The following AASDH variants were observed in gnomAD, a reference collection of about 807,000 sequenced individuals.
The protein encoded by AASDH is beta-alanine-activating enzyme.
Under a neutral mutation model 102.3 loss-of-function variants are expected in AASDH, and 81 were observed. The ratio of observed to expected loss-of-function variants is 0.79; its 90% confidence interval spans 0.66 to 0.95. The LOEUF (loss-of-function observed/expected upper bound fraction) is 0.95. Among genes scored for constraint, AASDH ranks in the 40% least tolerant of loss-of-function variants. The pLI is 0.00. For missense variants in AASDH, 1,203 were observed against 1,266.2 expected (o/e 0.95, Z 0.76); for synonymous variants, 398 against 454.0 (o/e 0.88, Z 1.57).
intron 1 of AASDH, among the ~76,000 whole-genome samples, chr4:56,384,835 AG>A (rs1753369231): frequency 6.6e-6 from 1 of 152,204 alleles, no homozygotes; most frequent in African/African-American, 2.4e-5. Flanking sequence ...GCACTTCGGG[AG>A]GCCGAGGTGG....
At chr4:56,376,641 T>C (rs1752368473) in intron 4 of AASDH, among the ~76,000 whole-genome samples, 1 of 152,224 alleles carries the variant, frequency 6.6e-6, no homozygotes, top group South Asian at 2.1e-4. Flanking sequence ...TTGAGATGTG[T>C]AAGTATAAAA....
chr4:56,371,706 A>G, intron 4 of AASDH, 63 bp from the exon 5 acceptor site: 1 of 1,435,714 alleles, frequency 7.0e-7, no homozygotes. Context: ...ATATCCTAAA[A>G]GAGTGTTCAT....
At chr4:56,351,065 T>TA (rs1402563838) in intron 10 of AASDH, among the ~76,000 whole-genome samples, 1 of 152,218 alleles carries the variant, frequency 6.6e-6, no homozygotes, top group Admixed American at 6.5e-5. Flanking sequence ...CCGATCCTCT[T>TA]AGAGAAAAGT....
At chr4:56,339,995 C>G (rs1005655423) in intron 14 of AASDH, among the ~76,000 whole-genome samples, 1 of 151,852 alleles carries the variant, frequency 6.6e-6, no homozygotes, top group African/African-American at 2.4e-5. Context: ...ATGGTGAAAC[C>G]CCATCTCTAC....
At chr4:56,356,402 A>C (rs1749646362) in intron 5 of AASDH, 1 of 1,594,112 alleles carries the variant, frequency 6.3e-7, no homozygotes, top group Non-Finnish European at 8.5e-7. Context: ...TGGACCGCCA[A>C]ACAGCTACTC....
intron 12 of AASDH, among the ~76,000 whole-genome samples, chr4:56,344,164 A>T (rs189917490): frequency 5.8e-4 from 88 of 152,304 alleles, no homozygotes; most frequent in Middle Eastern, 6.8e-3. Context: ...CTTAATGCAT[A>T]TATTTGACTA....
intron 9 of AASDH, 121 bp from the exon 10 acceptor site, chr4:56,351,578 T>C: frequency 1.7e-6 from 1 of 595,064 alleles, no homozygotes. Context: ...TATAAAGAGT[T>C]TGTTGTCAAC....
chr4:56,384,436 ATAAT>A, intron 1 of AASDH, 95 bp from the exon 2 acceptor site: 1 of 608,790 alleles, frequency 1.6e-6, no homozygotes. Context: ...TCTCACAAAA[ATAAT>A]TATATCAAAG....
Position 56,364,053 on chromosome 4 carries a change from G to A in AASDH, c.861+7398C>T, listed in dbSNP as rs550489965. On this transcript the variant is annotated intron_variant, in intron 5 of 14. Coordinates refer to ENST00000205214, the MANE Select transcript of AASDH (RefSeq NM_181806.4). ...GGATCTGAGCTGAAAACCATGGCAC[G>A]AGAACTACATGATGAATGCACAAGC... Among the ~76,000 whole-genome samples the A allele has an allele frequency of 1.1e-3, 165 of 152,304 alleles. 1 individual carries two copies. The highest frequency in any genetic ancestry group is 3.7e-3 in the African/African-American group (154 of 41,558).
chr4:56,349,508 A>T lies in AASDH; in HGVS notation c.2243T>A (p.Ile748Lys), dbSNP rs1258100495. The change falls in exon 11 of 15, where the codon ATA becomes AAA. Residue 748 changes from isoleucine (I) to lysine (K), a missense_variant. Ile to Lys is a moderately radical substitution (Grantham distance 102). Coordinates refer to ENST00000205214, the MANE Select transcript of AASDH (RefSeq NM_181806.4). ...ATGTAACTCCATTTTCTGAGTCCCT[A>T]TCGCAGGTTTCCCCTCTTCAGAAAC... ...AKVSEEGKPA[I>K]GTQKMELHVR... The T allele has an allele frequency of 6.2e-7, 1 of 1,614,180 alleles. No individual in the cohort carries two copies. Among genetic ancestry groups the T allele is most frequent in the African/African-American group, 1.3e-5 (1 of 75,048 alleles).
chr4:56,354,126 C>T lies in AASDH; in HGVS notation c.1296G>A (p.Val432=), dbSNP rs774669010. The change falls in exon 8 of 15, where the codon GTG becomes GTA. Residue 432 remains valine (V), a synonymous_variant. Coordinates refer to ENST00000205214, the MANE Select transcript of AASDH (RefSeq NM_181806.4). ...TMRATGDFVT[V]KDGEIFFLGR... is the part of the protein sequence containing the mutation. ...CCAAAAAAAAAATCTCTCCATCTTT[C>T]ACAGTCACAAAGTCTCCTGTAGCTC... 1 of 1,613,474 alleles carries T rather than the reference C, an allele frequency of 6.2e-7. No homozygotes were observed. Among genetic ancestry groups the T allele is most frequent in the Non-Finnish European group, 8.5e-7 (1 of 1,179,604 alleles).
At chr4:56,378,545 A>G in intron 3 of AASDH, 81 bp from the exon 4 acceptor site, 1 of 1,204,108 alleles carries the variant, frequency 8.3e-7, no homozygotes, top group Non-Finnish European at 1.1e-6. Flanking sequence ...TATGAAATAC[A>G]GTCATCCCTC....
chr4:56,338,988 T>C (rs1747279075), intron 14 of AASDH, among the ~76,000 whole-genome samples, 197 bp from the exon 15 acceptor site: 1 of 152,100 alleles, frequency 6.6e-6, no homozygotes, highest in Non-Finnish European at 1.5e-5. Context: ...ATGTAAAATC[T>C]AAGACAAAAT....
intron 14 of AASDH, among the ~76,000 whole-genome samples, chr4:56,339,687 G>A (rs1476763943): frequency 6.7e-6 from 1 of 149,418 alleles, no homozygotes; most frequent in Non-Finnish European, 1.5e-5. Context: ...GGAGGCAGAG[G>A]TTGCAGTGAG....
intron 3 of AASDH, among the ~76,000 whole-genome samples, chr4:56,379,265 C>T (rs954344628): frequency 2.0e-5 from 3 of 152,164 alleles, no homozygotes; most frequent in African/African-American, 7.2e-5. Flanking sequence ...TCTTGAGTAG[C>T]TGGAACTACA....
intron 10 of AASDH, among the ~76,000 whole-genome samples, chr4:56,350,944 G>C (rs1748926448): frequency 6.6e-6 from 1 of 152,180 alleles, no homozygotes; most frequent in African/African-American, 2.4e-5. Context: ...TATTGTTACT[G>C]AAAGTTCTTT....
At chr4:56,372,505 CTCT>C (rs1404445789) in intron 4 of AASDH, among the ~76,000 whole-genome samples, 1 of 152,150 alleles carries the variant, frequency 6.6e-6, no homozygotes, top group Non-Finnish European at 1.5e-5. Flanking sequence ...TGTGGTTAGG[CTCT>C]TATACAGCAT....
chr4:56,339,748 CA>C lies in AASDH; in HGVS notation c.2908-958del, dbSNP rs3036859. ...CCTGGGCGATAGTGAGACCTTGTTT[CA>C]AAAAAAAAAAAAAAAATTGAGACCA... On this transcript the variant is annotated intron_variant, in intron 14 of 14. Coordinates refer to ENST00000205214, the MANE Select transcript of AASDH (RefSeq NM_181806.4). Among the ~76,000 whole-genome samples the C allele has an allele frequency of 4.0e-3, 512 of 127,922 alleles. 2 individuals carry two copies. The highest frequency in any genetic ancestry group is 6.9e-3 in the African/African-American group (234 of 33,922). 83.9% of individuals were successfully genotyped at this position (127,922 alleles called of 152,430 possible).
rs1359422700 is a variant in AASDH at position 56,342,928 on chromosome 4, T to G, written c.2814A>C (p.Lys938Asn). Reference sequence around the variant, plus strand: ...AACATTGTGGGGAAGAGAAGAGTGGTTTTCCACAGGAATGTTTCCAAATAA... The same window carrying G: ...AACATTGTGGGGAAGAGAAGAGTGGGTTTCCACAGGAATGTTTCCAAATAA... ...GNVIWKHSCG[K>N]PLFSSPQCCS... The change falls in exon 14 of 15, where the codon AAA (lysine) becomes AAC (asparagine). Residue 938 changes from lysine to asparagine, a missense_variant. By Grantham distance (94) the Lys-to-Asn change is moderately conservative (BLOSUM62 0). Transcript: ENST00000205214. 1.3e-6 allele frequency: 2 copies of G among 1,592,918 alleles called. No homozygotes were observed. Among genetic ancestry groups the G allele is most frequent in the Non-Finnish European group, 1.7e-6 (2 of 1,169,780 alleles).
Sources: allele counts gnomAD v4.1 joint callset (sites outside exome capture counted in the v4.1 genomes callset), GRCh38; gene constraint gnomAD v4.1.1; transcripts MANE v1.5; gene names NCBI Gene and HGNC (gene_info 2026-07-23, HGNC 2026-07-21).